Variants in MMP1 observed in about 807,000 individuals in gnomAD.
The protein encoded by MMP1 is interstitial collagenase.
A neutral mutation model predicts 49.6 loss-of-function variants in MMP1; 51 were observed. That is an observed-to-expected ratio of 1.03 (90% CI 0.82 to 1.30). The LOEUF is 1.30. Ranked by LOEUF, MMP1 falls within the 50% of genes most tolerant of loss-of-function variation. The pLI is 0.00. For missense variants in MMP1, 623 were observed against 568.7 expected, an observed-to-expected ratio of 1.10 and a Z score of -0.97; for synonymous variants, 230 against 196.8, an observed-to-expected ratio of 1.17 and a Z score of -1.41.
chr11:102,795,800 A>G (rs1311888065), intron 4 of MMP1, among the ~76,000 whole-genome samples, 193 bp from the exon 5 acceptor site: 1 of 152,182 alleles, frequency 6.6e-6, no homozygotes, highest in Non-Finnish European at 1.5e-5. Flanking sequence ...ACATGTTGAA[A>G]CCTAAACTCT....
intron 7 of MMP1, among the ~76,000 whole-genome samples, chr11:102,792,252 C>A (rs913585853): frequency 4.6e-5 from 7 of 152,252 alleles, no homozygotes; most frequent in Middle Eastern, 3.4e-3. Flanking sequence ...GTTAAACACA[C>A]GTTTGCAAAA....
At chr11:102,795,343 C>T (rs1333354908) in intron 5 of MMP1, 52 bp from the exon 6 acceptor site, 4 of 1,606,152 alleles carry the variant, frequency 2.5e-6, no homozygotes, top group East Asian at 4.5e-5. Flanking sequence ...TAGAAAACTA[C>T]ATAAACAATG....
Position 102,796,748 on chromosome 11 carries a change from G to C in MMP1, c.541C>G (p.Leu181Val). 6.2e-7 allele frequency: 1 copy of C among 1,613,958 alleles called. No homozygotes were observed. The highest frequency in any genetic ancestry group is 8.5e-7 in the Non-Finnish European group (1 of 1,179,932). The change falls in exon 4 of 10, where the codon CTT becomes GTT. Residue 181 changes from leucine to valine, a missense_variant. By Grantham distance (32) the Leu-to-Val change is conservative. Transcript: ENST00000315274. ...GGGCCTGGTTGAAAAGCATGAGCAA[G>C]ATTTCCTCCAGGTCCATCAAAAGGA... ...NSPFDGPGGN[L>V]AHAFQPGPGI...
In MMP1 at chr11:102,792,730, A is replaced by G. The variant is rs770146117; in HGVS notation, c.908T>C (p.Met303Thr). ...TTCCGGGTAGAAGGGATTTGTGCGC[A>G]TGTAGAATCTGATTAGAAAAAAAGC... ...EVMFFKDRFYMRTNPFYPEVE... is the reference protein window; with the variant it reads ...EVMFFKDRFYTRTNPFYPEVE... Residue 303 changes from methionine (M) to threonine (T), a missense_variant, in exon 7 of 10, where the codon ATG becomes ACG. Met to Thr is a moderately conservative substitution (Grantham distance 81, BLOSUM62 -1). Coordinates refer to ENST00000315274, the MANE Select transcript of MMP1 (RefSeq NM_002421.4). The G allele has an allele frequency of 1.2e-6, 2 of 1,609,986 alleles. No homozygotes were observed. Among genetic ancestry groups the G allele is most frequent in the South Asian group, 1.1e-5 (1 of 90,282 alleles).
chr11:102,791,819 G>A (rs191933362), intron 7 of MMP1, among the ~76,000 whole-genome samples: 6 of 152,302 alleles, frequency 3.9e-5, no homozygotes, highest in East Asian at 1.9e-4. Context: ...TATAAACTTC[G>A]GTTCTCCAGG....
Position 102,790,482 on chromosome 11 carries a change from A to G in MMP1, c.1340T>C (p.Phe447Ser). 1 of 1,610,484 alleles carries G rather than the reference A, an allele frequency of 6.2e-7. No individual in the cohort carries two copies. Among genetic ancestry groups the G allele is most frequent in the Admixed American group, 1.7e-5 (1 of 59,782 alleles). Residue 447 changes from phenylalanine (F) to serine (S), a missense_variant, in exon 10 of 10, where the codon TTT becomes TCT. Transcript: ENST00000315274. Reference protein sequence around the residue: ...YFFHGTRQYKFDPKTKRILTL... With the variant: ...YFFHGTRQYKSDPKTKRILTL... ...CAAAATTCTCTTCGTTTTAGGATCA[A>G]ATTTGTATTGTCTTGTTCCATGAAA...
chr11:102,791,404 C>T lies in MMP1; in HGVS notation c.1125G>A (p.Lys375=). The T allele has an allele frequency of 6.2e-7, 1 of 1,614,056 alleles. No homozygotes were observed. The highest frequency in any genetic ancestry group is 8.5e-7 in the Non-Finnish European group (1 of 1,179,904). ...CCTCAGAAAGAGCAGCATCGATATG[C>T]TTCACAGTTCTAGGGAAGCCAAAGG... ...YSSFGFPRTV[K]HIDAALSEEN... is the part of the protein sequence containing the mutation. Residue 375 remains lysine, a synonymous_variant, in exon 8 of 10, where the codon AAG becomes AAA. Transcript: ENST00000315274.
rs12272274 is a variant in MMP1, at chr11:102,797,912, A to C, written c.105+76T>G. Reference sequence around the variant, plus strand: ...TCTCTTTATAAGAAACCTATCCTTAAAAAACTCTATTACATTACTGCAGAA... The same window carrying C: ...TCTCTTTATAAGAAACCTATCCTTACAAAACTCTATTACATTACTGCAGAA... On this transcript the variant is annotated intron_variant, in intron 1 of 9. Coordinates refer to ENST00000315274, the MANE Select transcript of MMP1 (RefSeq NM_002421.4). 598 of 1,142,454 alleles carry C rather than the reference A, an allele frequency of 5.2e-4. 5 individuals are homozygous for C. The African/African-American group carries it at 8.7e-3, about 17-fold the overall frequency. The allele number at this position is 1,142,454 out of a possible 1,614,324, so 70.8% of individuals were successfully genotyped here. A position where few individuals can be genotyped will look rare whatever the true frequency, so the allele number is the denominator to read the frequency against.
rs1403029668 is a variant in MMP1, at chr11:102,790,803, A to C, written c.1200T>G (p.Tyr400Ter). Reference protein sequence around the residue: ...YFFVANKYWRYDEYKRSMDPG... With the variant: ...YFFVANKYWR ...GATCCATAGATCGTTTATATTCATC[A>C]TACCTGGTCAGAAAAGAGTTAAGAG... The change falls in exon 9 of 10, where the codon TAT (tyrosine) becomes TAG (stop). Residue 400 changes from tyrosine to a stop codon, truncating the protein, a stop_gained. Transcript: ENST00000315274. LOFTEE classifies it high-confidence loss of function. The C allele has an allele frequency of 6.3e-7, 1 of 1,583,660 alleles. No individual in the cohort carries two copies. Among genetic ancestry groups the C allele is most frequent in the Admixed American group, 1.7e-5 (1 of 59,854 alleles).
chr11:102,792,246 A>G (rs1565210388), intron 7 of MMP1, among the ~76,000 whole-genome samples: 1 of 152,206 alleles, frequency 6.6e-6, no homozygotes, highest in Non-Finnish European at 1.5e-5. Context: ...TACTACGTTA[A>G]ACACACGTTT....
chr11:102,791,340 A>G lies in MMP1; in HGVS notation c.1189T>C (p.Tyr397His). The change falls in exon 8 of 10, where the codon TAC becomes CAC. Residue 397 changes from tyrosine (Y) to histidine (H), a missense_variant. Physicochemically the swap from Tyr to His is moderately conservative, Grantham distance 83 (BLOSUM62 2). Transcript: ENST00000315274. ...CTCTGCACTTAAACTTACCTCCAGT[A>G]TTTGTTAGCAACAAAGAAGTAGGTT... ...GKTYFFVANK[Y>H]WRYDEYKRSM... 1 of 1,613,908 alleles carries G rather than the reference A, an allele frequency of 6.2e-7. No individual in the cohort carries two copies. Among genetic ancestry groups the G allele is most frequent in the Non-Finnish European group, 8.5e-7 (1 of 1,179,766 alleles).
intron 5 of MMP1, 75 bp downstream of exon 5, chr11:102,795,377 G>A (rs1489214417): frequency 2.5e-6 from 4 of 1,600,980 alleles, no homozygotes; most frequent in South Asian, 2.2e-5. Flanking sequence ...CAAGGATATC[G>A]CTAATGGCTG....
chr11:102,796,810 A>G (rs1858205685), intron 3 of MMP1, 21 bp from the exon 4 acceptor site: 2 of 1,609,998 alleles, frequency 1.2e-6, no homozygotes, highest in Non-Finnish European at 1.7e-6. Context: ...CAATTCAACA[A>G]AGATTCCTTG....
rs566402311 is a variant in MMP1, at chr11:102,794,167, C to T, written c.899+1007G>A. 5.3e-5 allele frequency among the ~76,000 whole-genome samples: 8 copies of T among 152,234 alleles called. No homozygotes were observed. The highest frequency in any genetic ancestry group is 1.7e-4 in the African/African-American group (7 of 41,534). On this transcript the variant is annotated intron_variant, in intron 6 of 9. Transcript: ENST00000315274. This position sits in a 1 kb window ranked among gnomAD's most constrained non-coding sequence, Gnocchi z 4.3. ...TTGAACCACACCCTGTATAGTTTAC[C>T]TCCAGCCTTATCTTTTACACTTAAA... is the stretch of plus-strand genomic sequence containing the variant.
At chr11:102,797,906 T>C (rs1380920321) in intron 1 of MMP1, 82 bp downstream of exon 1, 2 of 1,034,578 alleles carry the variant, frequency 1.9e-6, no homozygotes, top group Non-Finnish European at 2.8e-6. Context: ...AAGAAACCTA[T>C]CCTTAAAAAA....
chr11:102,795,126 G>A, intron 6 of MMP1, 48 bp downstream of exon 6: 1 of 1,350,984 alleles, frequency 7.4e-7, no homozygotes, highest in Non-Finnish European at 1.1e-6. Context: ...AGTGGTGAAT[G>A]TTGTTATTAT....
chr11:102,792,567 G>A (rs774355290), intron 7 of MMP1, 38 bp downstream of exon 7: 3 of 1,596,968 alleles, frequency 1.9e-6, no homozygotes. Flanking sequence ...ATGAAAAATT[G>A]ATTTATTAAA....
intron 3 of MMP1, 72 bp downstream of exon 3, chr11:102,796,942 C>G: frequency 6.4e-7 from 1 of 1,551,722 alleles, no homozygotes; most frequent in African/African-American, 1.4e-5. Context: ...TCATCTTAAA[C>G]AATCAATTCC....
chr11:102,790,875 A>C (rs1426682604), intron 8 of MMP1, 69 bp from the exon 9 acceptor site: 1 of 837,718 alleles, frequency 1.2e-6, no homozygotes, highest in African/African-American at 1.7e-5. Flanking sequence ...TCATTACAGA[A>C]AATACACAAT....
Sources: gnomAD v4.1 joint callset for allele counts (sites outside exome capture counted in the v4.1 genomes callset) on GRCh38, gnomAD v4.1.1 for gene constraint, Gnocchi (gnomAD v3.1) non-coding constraint, MANE v1.5 for transcripts, NCBI Gene and HGNC (gene_info 2026-07-23, HGNC 2026-07-21) for gene names.